APP: variants seen among roughly 807,000 people sequenced by gnomAD.
The protein encoded by APP is amyloid beta precursor protein.
In APP, 31 loss-of-function variants were observed where a neutral mutation model predicts 101.4. The ratio of observed to expected loss-of-function variants is 0.31; its 90% confidence interval spans 0.23 to 0.41. The LOEUF (loss-of-function observed/expected upper bound fraction) is 0.41. Among genes scored for constraint, APP ranks in the 10% least tolerant of loss-of-function variants. The probability of loss-of-function intolerance (pLI) is 1.00; values close to 1 mark genes in which losing one functional copy is unlikely to be tolerated. For synonymous variants in APP, 366 were observed against 364.4 expected, an observed-to-expected ratio of 1.00 and a Z score of -0.05; for missense variants, 839 against 1,003.7, an observed-to-expected ratio of 0.84 and a Z score of 2.22.
intron 5 of APP, among the ~76,000 whole-genome samples, chr21:26,026,235 T>C (rs1056996375): frequency 4.6e-5 from 7 of 152,358 alleles, no homozygotes; most frequent in African/African-American, 1.7e-4. Flanking sequence ...CAGACTTTAG[T>C]GGCTATCAAT....
chr21:25,891,305 CAAAAG>C (rs1216775425), intron 17 of APP, among the ~76,000 whole-genome samples: 8 of 151,848 alleles, frequency 5.3e-5, no homozygotes, highest in Non-Finnish European at 1.2e-4. Context: ...CTATTTAAGA[CAAAAG>C]AAATCCAAGA....
chr21:26,159,706 C>T (rs150361004), intron 1 of APP, among the ~76,000 whole-genome samples: 424 of 152,156 alleles, frequency 2.8e-3, no homozygotes, highest in Non-Finnish European at 4.8e-3. Flanking sequence ...TCTGCAACAA[C>T]AAGACACTAA....
At chr21:25,975,339 T>C (rs2042186428) in intron 10 of APP, 111 bp from the exon 11 acceptor site, 1 of 1,397,878 alleles carries the variant, frequency 7.2e-7, no homozygotes, top group East Asian at 2.3e-5. Context: ...TGCTAAAAAG[T>C]ATCCTAAAGA....
At chr21:26,089,227 G>C (rs1278496946) in intron 3 of APP, among the ~76,000 whole-genome samples, 2 of 152,128 alleles carry the variant, frequency 1.3e-5, no homozygotes, top group Non-Finnish European at 2.9e-5. Context: ...GCAATGACTG[G>C]TCACATAAAA....
intron 5 of APP, among the ~76,000 whole-genome samples, chr21:26,026,746 T>C (rs942246021): frequency 1.3e-5 from 2 of 152,218 alleles, no homozygotes; most frequent in Non-Finnish European, 2.9e-5. Context: ...ATAGTAAAAG[T>C]ACTCAGTATG....
At chr21:26,024,741 C>T (rs943252960) in intron 5 of APP, among the ~76,000 whole-genome samples, 1 of 152,082 alleles carries the variant, frequency 6.6e-6, no homozygotes, top group Non-Finnish European at 1.5e-5. Flanking sequence ...ACTCTGATTA[C>T]GTAGGATACA....
chr21:25,915,621 A>G (rs541403415), intron 13 of APP, among the ~76,000 whole-genome samples: 13 of 152,376 alleles, frequency 8.5e-5, no homozygotes, highest in Non-Finnish European at 1.5e-4. Context: ...CGTTAGTCCT[A>G]TGGAATGGTT....
At chr21:26,056,827 T>C (rs2046061179) in intron 3 of APP, among the ~76,000 whole-genome samples, 1 of 152,186 alleles carries the variant, frequency 6.6e-6, no homozygotes, top group Non-Finnish European at 1.5e-5. Context: ...AAAATAAAAT[T>C]TAGCAGTGGA....
At chr21:25,989,130 C>T (rs1169224692) in intron 8 of APP, among the ~76,000 whole-genome samples, 3 of 152,164 alleles carry the variant, frequency 2.0e-5, no homozygotes, top group Non-Finnish European at 4.4e-5. Context: ...ACCTGTGTTT[C>T]CTCTGAGAAA....
chr21:25,997,316 ATCC>A, intron 8 of APP, 41 bp downstream of exon 8: 1 of 1,579,116 alleles, frequency 6.3e-7, no homozygotes, highest in Non-Finnish European at 8.7e-7. Flanking sequence ...ACCAAGCAGC[ATCC>A]TCCTCCCCTC....
At chr21:26,092,924 G>A (rs1312736299) in intron 2 of APP, among the ~76,000 whole-genome samples, 1 of 152,208 alleles carries the variant, frequency 6.6e-6, no homozygotes, top group Non-Finnish European at 1.5e-5. Flanking sequence ...CTCAGTGGTA[G>A]AGGTATATGC....
At chr21:26,106,507 TG>T (rs1248994812) in intron 2 of APP, among the ~76,000 whole-genome samples, 3 of 152,196 alleles carry the variant, frequency 2.0e-5, no homozygotes, top group African/African-American at 7.2e-5. Context: ...ACATATCCAC[TG>T]GATCTCCTTT....
intron 17 of APP, among the ~76,000 whole-genome samples, chr21:25,882,543 C>T (rs1265362541): frequency 1.3e-5 from 2 of 151,544 alleles, no homozygotes; most frequent in Non-Finnish European, 2.9e-5. Context: ...GTTTTTCTCC[C>T]CCTGTCACTG....
At chr21:26,110,651 T>A (rs910127513) in intron 2 of APP, among the ~76,000 whole-genome samples, 3 of 152,040 alleles carry the variant, frequency 2.0e-5, no homozygotes, top group Admixed American at 2.0e-4. Flanking sequence ...CAGAGCGCTA[T>A]CAAAACAAAT....
At chr21:25,910,678 T>C (rs1311410271) in intron 14 of APP, among the ~76,000 whole-genome samples, 1 of 152,242 alleles carries the variant, frequency 6.6e-6, no homozygotes, top group African/African-American at 2.4e-5. Context: ...CTCAAATTTG[T>C]TGATAGAGAA....
At chr21:26,057,853 A>G (rs944403416) in intron 3 of APP, among the ~76,000 whole-genome samples, 1 of 152,246 alleles carries the variant, frequency 6.6e-6, no homozygotes, top group Non-Finnish European at 1.5e-5. Context: ...TTACAAAAGT[A>G]GTTCACTTTT....
intron 3 of APP, among the ~76,000 whole-genome samples, chr21:26,067,795 G>T (rs2046516377): frequency 1.3e-5 from 2 of 152,060 alleles, no homozygotes; most frequent in East Asian, 3.9e-4. Flanking sequence ...TGTATCCCGA[G>T]AGATGAGCTG....
In APP at chr21:25,906,825, C is replaced by T. The variant is rs116760454; in HGVS notation, c.1910-1748G>A. On this transcript the variant is annotated intron_variant, in intron 14 of 17. Coordinates refer to ENST00000346798, the MANE Select transcript of APP (RefSeq NM_000484.4). ...TTAAGAACACAACAGACCACATGCACGAGGGCAAACGCGTACCTTGAAGTG... is the reference window on the plus strand; with the variant it reads ...TTAAGAACACAACAGACCACATGCATGAGGGCAAACGCGTACCTTGAAGTG... Among the ~76,000 whole-genome samples the T allele has an allele frequency of 2.8e-3, 431 of 151,786 alleles. 1 individual carries two copies. Among genetic ancestry groups the T allele is most frequent in the African/African-American group, 9.8e-3 (408 of 41,508 alleles).
intron 1 of APP, among the ~76,000 whole-genome samples, chr21:26,138,692 C>G (rs2062973065): frequency 7.1e-6 from 1 of 141,324 alleles, no homozygotes; most frequent in Admixed American, 7.2e-5. Flanking sequence ...TAGCCTGTCT[C>G]AGAAAACAAA....
Sources: gnomAD v4.1 joint callset for allele counts (sites outside exome capture counted in the v4.1 genomes callset) on GRCh38, gnomAD v4.1.1 for gene constraint, MANE v1.5 for transcripts, NCBI Gene and HGNC (gene_info 2026-07-23, HGNC 2026-07-21) for gene names.